LUC7L2: variants seen among roughly 807,000 people sequenced by gnomAD.
LUC7L2 encodes LUC7 like 2, pre-mRNA splicing factor.
A neutral mutation model predicts 52.8 loss-of-function variants in LUC7L2; 25 were observed. The observed-to-expected ratio is 0.47, with a 90% CI of 0.34 to 0.66. The LOEUF (loss-of-function observed/expected upper bound fraction) is 0.66. LUC7L2 is among the 30% of genes least tolerant of loss of function. The probability of loss-of-function intolerance (pLI) is 0.01; values close to 1 mark genes in which losing one functional copy is unlikely to be tolerated. For missense variants in LUC7L2, 328 were observed against 497.8 expected (o/e 0.66, Z 3.25); for synonymous variants, 144 against 160.9 (o/e 0.89, Z 0.80).
chr7:139,417,483 A>G, intron 8 of LUC7L2, 55 bp from the exon 9 acceptor site: 1 of 1,558,210 alleles, frequency 6.4e-7, no homozygotes. Flanking sequence ...GGCTTTAATA[A>G]ATGAGAAATA....
rs2131146453 is a variant in LUC7L2 at position 139,345,465 on chromosome 7, G to C, written c.-26+4948G>C. 7 of 1,612,848 alleles carry C rather than the reference G, an allele frequency of 4.3e-6. No homozygotes were observed. In the Middle Eastern group the frequency reaches 5.0e-4, roughly 114 times the overall value. On this transcript the variant is annotated intron_variant, in intron 1 of 10. Coordinates refer to the LUC7L2 transcript ENST00000541170. ...CTTTCTCTGTGGACCTGTATCTCTAGCTGGGTTAAGAATTTCTGACTTGCT... is the reference window on the plus strand; with the variant it reads ...CTTTCTCTGTGGACCTGTATCTCTACCTGGGTTAAGAATTTCTGACTTGCT...
intron 7 of LUC7L2, among the ~76,000 whole-genome samples, chr7:139,412,320 C>T (rs1795396930): frequency 6.6e-6 from 1 of 151,916 alleles, no homozygotes; most frequent in South Asian, 2.1e-4. Context: ...GTTTTAATCT[C>T]CTAGGAACAT....
At chr7:139,389,046 A>C (rs1794318403) in intron 2 of LUC7L2, among the ~76,000 whole-genome samples, 1 of 134,328 alleles carries the variant, frequency 7.4e-6, no homozygotes, top group Admixed American at 7.1e-5. Context: ...CACATTTTTT[A>C]AATGATTTTT....
At chr7:139,387,601 A>C (rs1180845226) in intron 2 of LUC7L2, among the ~76,000 whole-genome samples, 1 of 152,216 alleles carries the variant, frequency 6.6e-6, no homozygotes, top group Non-Finnish European at 1.5e-5. Flanking sequence ...GTGGAGAAGA[A>C]GGTAGTCATT....
chr7:139,340,640 C>G (rs971499408), intron 1 of LUC7L2: 2 of 396,346 alleles, frequency 5.0e-6, no homozygotes, highest in Non-Finnish European at 8.9e-6. Context: ...AATGAAGTGA[C>G]GATGACGTAC....
intron 2 of LUC7L2, among the ~76,000 whole-genome samples, chr7:139,384,478 G>A (rs1414356247): frequency 6.6e-6 from 1 of 152,020 alleles, no homozygotes; most frequent in Non-Finnish European, 1.5e-5. Flanking sequence ...AAGCAGATTT[G>A]CTGTATTTTA....
At chr7:139,408,571 C>T (rs1237856862) in intron 6 of LUC7L2, among the ~76,000 whole-genome samples, 2 of 152,172 alleles carry the variant, frequency 1.3e-5, no homozygotes, top group African/African-American at 4.8e-5. Context: ...AGGCTAGGCG[C>T]AGTGGCTCAC....
At chr7:139,401,107 A>G (rs1339419481) in intron 3 of LUC7L2, among the ~76,000 whole-genome samples, 1 of 152,172 alleles carries the variant, frequency 6.6e-6, no homozygotes, top group Non-Finnish European at 1.5e-5. Flanking sequence ...GTGCCTCACA[A>G]ATGTCTTATA....
At chr7:139,353,460 A>C (rs960102233) in intron 1 of LUC7L2, among the ~76,000 whole-genome samples, 4 of 152,210 alleles carry the variant, frequency 2.6e-5, no homozygotes, top group Non-Finnish European at 4.4e-5. Context: ...CTGGAAGAGG[A>C]ATGGTTATCA....
At chr7:139,344,280 A>G (rs1799150065) in intron 1 of LUC7L2, among the ~76,000 whole-genome samples, 1 of 152,186 alleles carries the variant, frequency 6.6e-6, no homozygotes, top group Non-Finnish European at 1.5e-5. Flanking sequence ...GACTGGTTCC[A>G]GGACACCCCC....
intron 1 of LUC7L2, chr7:139,341,226 A>T: frequency 7.6e-7 from 1 of 1,310,494 alleles, no homozygotes; most frequent in Non-Finnish European, 1.0e-6. Context: ...TTCGATTAAT[A>T]AGGTTCGGTC....
chr7:139,422,438 C>T lies in LUC7L2; in HGVS notation c.*98C>T. The T allele has an allele frequency of 1.3e-6, 2 of 1,491,856 alleles. No individual in the cohort carries two copies. Among genetic ancestry groups the T allele is most frequent in the Non-Finnish European group, 1.8e-6 (2 of 1,122,588 alleles). 92.4% of individuals were successfully genotyped at this position (1,491,856 alleles called of 1,614,324 possible). On this transcript the variant is annotated 3_prime_UTR_variant, in exon 10 of 10. Transcript: ENST00000354926. ...CAGGGTGACAGTGAGCAGATCCAGACACCAGATCCAGCTAGGCTAGATGTA... is the reference window on the plus strand; with the variant it reads ...CAGGGTGACAGTGAGCAGATCCAGATACCAGATCCAGCTAGGCTAGATGTA...
intron 1 of LUC7L2, among the ~76,000 whole-genome samples, chr7:139,349,232 ACT>A (rs1255516890): frequency 6.6e-6 from 1 of 152,200 alleles, no homozygotes; most frequent in Non-Finnish European, 1.5e-5. Flanking sequence ...AGAAAATCTT[ACT>A]GTTTGTTTTT....
intron 7 of LUC7L2, among the ~76,000 whole-genome samples, chr7:139,411,717 A>G (rs1269929278): frequency 1.3e-5 from 2 of 152,202 alleles, no homozygotes; most frequent in Non-Finnish European, 2.9e-5. Flanking sequence ...AAATGTGACA[A>G]GTGCCTTAAG....
chr7:139,362,640 T>TTTTA (rs569458796), intron 1 of LUC7L2, among the ~76,000 whole-genome samples: 8 of 146,158 alleles, frequency 5.5e-5, no homozygotes, highest in African/African-American at 1.8e-4. Flanking sequence ...TTTTTTTTTT[T>TTTTA]AATTCCAGAG....
chr7:139,359,940 G>T lies in LUC7L2; in HGVS notation c.-322G>T, dbSNP rs978691484. On this transcript the variant is annotated 5_prime_UTR_variant, in exon 1 of 10. Transcript: ENST00000354926. ...GCGGCGAGCGGCGTCAGAGCTTGAGGGGGGGTTGACGGCTTCTGGCGGGTG... is the reference window on the plus strand; with the variant it reads ...GCGGCGAGCGGCGTCAGAGCTTGAGTGGGGGTTGACGGCTTCTGGCGGGTG... 1.7e-5 allele frequency: 7 copies of T among 421,262 alleles called. No homozygotes were observed. The highest frequency in any genetic ancestry group is 3.6e-5 in the East Asian group (1 of 28,104). 26.1% of individuals were successfully genotyped at this position (421,262 alleles called of 1,614,324 possible). A position where few individuals can be genotyped will look rare whatever the true frequency, so the allele number is the denominator to read the frequency against.
intron 4 of LUC7L2, 99 bp downstream of exon 4, chr7:139,402,346 G>A (rs1291181336): frequency 8.5e-7 from 1 of 1,176,326 alleles, no homozygotes; most frequent in Non-Finnish European, 1.1e-6. Flanking sequence ...AGATTGCAAA[G>A]ACATATACAA....
intron 7 of LUC7L2, among the ~76,000 whole-genome samples, chr7:139,411,511 A>T (rs1310616576): frequency 6.6e-6 from 1 of 152,192 alleles, no homozygotes; most frequent in African/African-American, 2.4e-5. Context: ...GAGTAAGCTG[A>T]GAGAGGATAT....
intron 7 of LUC7L2, 108 bp downstream of exon 7, chr7:139,409,762 A>T: frequency 7.2e-7 from 1 of 1,385,968 alleles, no homozygotes; most frequent in African/African-American, 1.5e-5. Context: ...GGGACGTGGG[A>T]AACTTCTGCT....
Sources: allele counts gnomAD v4.1 joint callset (sites outside exome capture counted in the v4.1 genomes callset), GRCh38; gene constraint gnomAD v4.1.1; transcripts MANE v1.5; gene names NCBI Gene and HGNC (gene_info 2026-07-23, HGNC 2026-07-21).